WNK1: variants seen among roughly 807,000 people sequenced by gnomAD.
WNK1 encodes serine/threonine-protein kinase WNK1.
Under a neutral mutation model 222.8 loss-of-function variants are expected in WNK1, and 38 were observed. The observed-to-expected ratio is 0.17, with a 90% CI of 0.13 to 0.22. The LOEUF is 0.22. Among genes scored for constraint, WNK1 ranks in the 10% least tolerant of loss-of-function variants. WNK1 has a pLI of 1.00. For synonymous variants in WNK1, 1,090 were observed against 1,092.9 expected (o/e 1.00, Z 0.05); for missense variants, 2,348 against 2,918.4 (o/e 0.80, Z 4.50).
chr12:904,414 C>T (rs1180164187), intron 26 of WNK1: 1 of 1,286,264 alleles, frequency 7.8e-7, no homozygotes, highest in Admixed American at 2.3e-5. Flanking sequence ...ACTGATGTTT[C>T]TTTATCTTTA....
chr12:817,110 G>T (rs1947413950), intron 2 of WNK1, among the ~76,000 whole-genome samples: 1 of 152,230 alleles, frequency 6.6e-6, no homozygotes, highest in Non-Finnish European at 1.5e-5. Flanking sequence ...TAACTACGAA[G>T]AAATGAGCAA....
chr12:899,155 G>A (rs149754405), intron 25 of WNK1, among the ~76,000 whole-genome samples: 93 of 152,322 alleles, frequency 6.1e-4, no homozygotes, highest in African/African-American at 1.9e-3. Context: ...TTAAAAAGCA[G>A]TTGCAAACTT....
chr12:837,357 T>G (rs2154032923), intron 4 of WNK1, among the ~76,000 whole-genome samples: 1 of 152,302 alleles, frequency 6.6e-6, no homozygotes, highest in South Asian at 2.1e-4. Context: ...GCAGATTACC[T>G]GAGGCCAGGA....
At chr12:810,967 A>T (rs1210597984) in intron 1 of WNK1, among the ~76,000 whole-genome samples, 1 of 152,202 alleles carries the variant, frequency 6.6e-6, no homozygotes. Context: ...TGTCAAAACA[A>T]CTTAATGTAG....
chr12:876,363 C>T (rs761077584), intron 9 of WNK1, among the ~76,000 whole-genome samples: 2 of 152,024 alleles, frequency 1.3e-5, no homozygotes, highest in Admixed American at 6.6e-5. Context: ...GAGCCAAGAT[C>T]GCGCCACTGC....
rs951075535 is a variant in WNK1, at chr12:897,773, G to T, written c.6448+92G>T. The T allele has an allele frequency of 2.9e-6, 4 of 1,383,894 alleles. No individual in the cohort carries two copies. The African/African-American group carries it at 5.8e-5, about 20-fold the overall frequency. The allele number at this position is 1,383,894 out of a possible 1,614,324, so 85.7% of individuals were successfully genotyped here. ...GACCTGCTGAACATTTGTTGTTTTT[G>T]TTAAATTTCAAAGGAATTTGGCTCT... is the stretch of plus-strand genomic sequence containing the variant. On this transcript the variant is annotated intron_variant, in intron 25 of 27. Transcript: ENST00000315939.
chr12:891,237 C>T (rs1216171286), intron 22 of WNK1, among the ~76,000 whole-genome samples: 5 of 152,148 alleles, frequency 3.3e-5, no homozygotes, highest in African/African-American at 1.2e-4. Context: ...CTCCCAGGTT[C>T]AAGCGATTTT....
chr12:900,724 C>T, intron 26 of WNK1, 54 bp downstream of exon 26: 2 of 1,608,282 alleles, frequency 1.2e-6, no homozygotes, highest in South Asian at 1.1e-5. Context: ...TGTTGCCATA[C>T]CTGGGACAAA....
chr12:897,590 C>T lies in WNK1; in HGVS notation c.6357C>T (p.Pro2119=). ...PPAVIIPPAA[P]LSGRRRRPTK... ...CTGTTATTATTCCCCCAGCTGCTCC[C>T]CTTTCAGGGAGAAGACGACGACCCA... The change falls in exon 25 of 28, where the codon CCC becomes CCT. Residue 2119 remains proline (P), a synonymous_variant. Transcript: ENST00000315939. The T allele has an allele frequency of 6.2e-7, 1 of 1,614,166 alleles. No homozygotes were observed. Among genetic ancestry groups the T allele is most frequent in the Non-Finnish European group, 8.5e-7 (1 of 1,180,022 alleles).
At chr12:848,252 G>C (rs1447993970) in intron 4 of WNK1, among the ~76,000 whole-genome samples, 1 of 152,152 alleles carries the variant, frequency 6.6e-6, no homozygotes, top group Admixed American at 6.6e-5. Flanking sequence ...TGAGCAGTGT[G>C]ATTATGAGTT....
chr12:909,836 A>AT lies in WNK1; in HGVS notation c.*1051dup, dbSNP rs901064544. On this transcript the variant is annotated 3_prime_UTR_variant, in exon 28 of 28. Transcript: ENST00000315939. ...TATGCCAAAGGGAAATTGAAAAAGTATTTTTTTAAGTCATTCAACAACTTT... is the reference window on the plus strand; with the variant it reads ...TATGCCAAAGGGAAATTGAAAAAGTATTTTTTTTAAGTCATTCAACAACTTT... 6.6e-6 allele frequency: 1 copy of AT among 152,202 alleles called. No individual in the cohort carries two copies. The highest frequency in any genetic ancestry group is 2.4e-5 in the African/African-American group (1 of 41,446). 9.4% of individuals were successfully genotyped at this position (152,202 alleles called of 1,614,324 possible). A position where few individuals can be genotyped will look rare whatever the true frequency, so the allele number is the denominator to read the frequency against.
intron 8 of WNK1, among the ~76,000 whole-genome samples, chr12:862,945 T>C (rs574891469): frequency 6.6e-6 from 1 of 152,332 alleles, no homozygotes; most frequent in South Asian, 2.1e-4. Context: ...TGTATACACA[T>C]ACACACACAC....
chr12:902,889 C>T (rs1365604085), intron 26 of WNK1, among the ~76,000 whole-genome samples: 3 of 152,080 alleles, frequency 2.0e-5, no homozygotes, highest in African/African-American at 4.8e-5. Flanking sequence ...GTAGAAAAAC[C>T]TTTGTTATAA....
intron 4 of WNK1, among the ~76,000 whole-genome samples, chr12:835,268 G>C (rs181675311): frequency 1.5e-3 from 221 of 152,286 alleles, no homozygotes; most frequent in Non-Finnish European, 2.7e-3. Flanking sequence ...AGCCGGGGAG[G>C]TGGAGGTTGC....
intron 4 of WNK1, among the ~76,000 whole-genome samples, chr12:842,862 T>A (rs1949733172): frequency 6.6e-6 from 1 of 152,192 alleles, no homozygotes; most frequent in Admixed American, 6.5e-5. Flanking sequence ...GGTAAAGGTT[T>A]GAGATTCTGT....
At chr12:756,124 A>G (rs1310512431) in intron 1 of WNK1, among the ~76,000 whole-genome samples, 1 of 152,226 alleles carries the variant, frequency 6.6e-6, no homozygotes, top group Non-Finnish European at 1.5e-5. Flanking sequence ...TTATAGTTTT[A>G]TATTTGAATA....
chr12:784,086 T>A (rs113087148), intron 1 of WNK1, among the ~76,000 whole-genome samples: 1 of 100,192 alleles, frequency 1.0e-5, no homozygotes, highest in South Asian at 3.5e-4. Flanking sequence ...CCAGGCACAG[T>A]GGCATGTGCC....
chr12:873,418 A>C (rs1422121464), intron 9 of WNK1, among the ~76,000 whole-genome samples: 1 of 152,198 alleles, frequency 6.6e-6, no homozygotes, highest in Non-Finnish European at 1.5e-5. Context: ...CAGAAACAAA[A>C]ATTAATTTTT....
Position 885,132 on chromosome 12 carries a change from C to G in WNK1, c.4328C>G (p.Ser1443Cys), listed in dbSNP as rs372955308. The G allele has an allele frequency of 6.2e-7, 1 of 1,614,224 alleles. No homozygotes were observed. Among genetic ancestry groups the G allele is most frequent in the Non-Finnish European group, 8.5e-7 (1 of 1,180,038 alleles). Residue 1443 changes from serine (S) to cysteine (C), a missense_variant, in exon 19 of 28, where the codon TCT becomes TGT. By Grantham distance (112) the Ser-to-Cys change is moderately radical. This residue lies in a region of WNK1 where 1,144 missense variants were observed against 1,273.6 expected (regional missense o/e 0.90). Transcript: ENST00000315939. ...ACATCCACATCTGAGATCGTTGTTT[C>G]TAGTACAGCACTGTATCCTTCAGTA... ...VPTSTSEIVV[S>C]STALYPSVTV...
Sources: allele counts gnomAD v4.1 joint callset (sites outside exome capture counted in the v4.1 genomes callset), GRCh38; gene constraint gnomAD v4.1.1; regional missense constraint gnomAD v4.1.1; transcripts MANE v1.5; gene names NCBI Gene and HGNC (gene_info 2026-07-23, HGNC 2026-07-21).